The following ADH6 variants were observed in gnomAD, a reference collection of about 807,000 sequenced individuals.
The protein encoded by ADH6 is alcohol dehydrogenase 6.
ADH6 carries 34 observed loss-of-function variants against 36.5 expected under a neutral mutation model. The observed-to-expected ratio is 0.93, with a 90% CI of 0.71 to 1.24. The LOEUF (loss-of-function observed/expected upper bound fraction) is 1.24. ADH6 is among the 50% of genes most tolerant of loss of function. ADH6 has a pLI of 0.00. For missense variants in ADH6, 440 were observed against 447.0 expected (o/e 0.98, Z 0.14); for synonymous variants, 161 against 155.5 (o/e 1.04, Z -0.26).
At chr4:99,216,298 C>T in intron 1 of ADH6, 36 bp from the exon 2 acceptor site, 2 of 1,400,310 alleles carry the variant, frequency 1.4e-6, no homozygotes, top group Admixed American at 2.3e-5. Flanking sequence ...AAGAGAAGCT[C>T]CTTAAGCTTG....
chr4:99,210,363 T>C, intron 4 of ADH6, 52 bp downstream of exon 4: 3 of 1,596,552 alleles, frequency 1.9e-6, no homozygotes, highest in Non-Finnish European at 2.6e-6. Context: ...TTAGATCTTC[T>C]CCAATGAAAG....
intron 7 of ADH6, among the ~76,000 whole-genome samples, chr4:99,206,751 C>T (rs1209877850): frequency 2.0e-5 from 3 of 151,976 alleles, no homozygotes; most frequent in East Asian, 3.9e-4. Flanking sequence ...TCAGATTGCC[C>T]AGAGTTTCTG....
At chr4:99,204,880 C>A in intron 8 of ADH6, 45 bp downstream of exon 8, 1 of 1,564,444 alleles carries the variant, frequency 6.4e-7, no homozygotes, top group African/African-American at 1.4e-5. Context: ...CACCCTTTCT[C>A]TTGGTCTCAA....
chr4:99,214,559 A>G (rs1330587852), intron 2 of ADH6, among the ~76,000 whole-genome samples: 1 of 152,198 alleles, frequency 6.6e-6, no homozygotes, highest in Non-Finnish European at 1.5e-5. Context: ...ACAGTTTAAA[A>G]TGAAGACACT....
At chr4:99,208,982 C>G in intron 5 of ADH6, 54 bp from the exon 6 acceptor site, 1 of 1,551,968 alleles carries the variant, frequency 6.4e-7, no homozygotes, top group South Asian at 1.2e-5. Context: ...AGAACATACA[C>G]CTTTACTCAG....
At position 99,208,881 on chromosome 4, in the gene ADH6, G is replaced by T. The variant is rs900693864; in HGVS notation, c.615C>A (p.Gly205=). ...TCAVFGLGGV[G]LSVVMGCKAA... is the part of the protein sequence containing the mutation. ...CTTTACAACCCATGACAACAGACAA[G>T]CCGACTCCTCCCAGGCCAAACACAG... The change falls in exon 6 of 9, where the codon GGC becomes GGA. Residue 205 remains glycine (G), a synonymous_variant. Transcript: ENST00000394899. 1 of 1,613,536 alleles carries T rather than the reference G, an allele frequency of 6.2e-7. No homozygotes were observed. Among genetic ancestry groups the T allele is most frequent in the Non-Finnish European group, 8.5e-7 (1 of 1,179,760 alleles).
rs199767791 is a variant in ADH6, at chr4:99,216,278, C to T, written c.19-16G>A. ...ATCTGATGACCTGGGAAATAGAATA[C>T]AGGGGCAGAAAGAGAAGCTCCTTAA... On this transcript the variant is annotated splice_polypyrimidine_tract_variant and intron_variant, in intron 1 of 8. Coordinates refer to ENST00000394899, the MANE Select transcript of ADH6 (RefSeq NM_001102470.2). 5 of 1,510,450 alleles carry T rather than the reference C, an allele frequency of 3.3e-6. No homozygotes were observed. Among genetic ancestry groups the T allele is most frequent in the Non-Finnish European group, 3.6e-6 (4 of 1,119,950 alleles). 93.6% of individuals were successfully genotyped at this position (1,510,450 alleles called of 1,614,324 possible).
Position 99,202,711 on chromosome 4 carries a change from C to G in ADH6, c.*1508G>C. 2.5e-6 allele frequency: 1 copy of G among 398,010 alleles called. No individual in the cohort carries two copies. The highest frequency in any genetic ancestry group is 2.1e-5 in the African/African-American group (1 of 48,668). The allele number at this position is 398,010 out of a possible 1,614,324, so 24.7% of individuals were successfully genotyped here. ...TTACAACAAAACGTTTCCGGGAAAA[C>G]TTGGATTTCCCAAGACCCGAAGACT... On this transcript the variant is annotated 3_prime_UTR_variant, in exon 9 of 9. Coordinates refer to ENST00000394899, the MANE Select transcript of ADH6 (RefSeq NM_001102470.2).
At chr4:99,204,831 T>C in intron 8 of ADH6, 94 bp downstream of exon 8, 1 of 1,480,452 alleles carries the variant, frequency 6.8e-7, no homozygotes, top group African/African-American at 1.4e-5. Flanking sequence ...ATACAGCTTC[T>C]GCAGCAGGGA....
chr4:99,216,173 T>G lies in ADH6; in HGVS notation c.108A>C (p.Glu36Asp). Residue 36 changes from glutamate (E) to aspartate (D), a missense_variant, in exon 2 of 9, where the codon GAA becomes GAC. By Grantham distance (45) the Glu-to-Asp change is conservative. Coordinates refer to ENST00000394899, the MANE Select transcript of ADH6 (RefSeq NM_001102470.2). ...TTTTTTTTTTTACCTTTATGCGAACTTCCTTTGCCTTTGGTGGGGCCACTT... is the reference window on the plus strand; with the variant it reads ...TTTTTTTTTTTACCTTTATGCGAACGTCCTTTGCCTTTGGTGGGGCCACTT... ...EVEVAPPKAK[E>D]VRIKVVATGL... 1 of 1,363,336 alleles carries G rather than the reference T, an allele frequency of 7.3e-7. No homozygotes were observed. Among genetic ancestry groups the G allele is most frequent in the Non-Finnish European group, 9.9e-7 (1 of 1,010,290 alleles). 84.5% of individuals were successfully genotyped at this position (1,363,336 alleles called of 1,614,324 possible). A position where few individuals can be genotyped will look rare whatever the true frequency, so the allele number is the denominator to read the frequency against.
intron 7 of ADH6, among the ~76,000 whole-genome samples, chr4:99,206,864 A>T (rs1731054685): frequency 6.6e-6 from 1 of 152,170 alleles, no homozygotes; most frequent in South Asian, 2.1e-4. Context: ...TCAATAAAAT[A>T]GTCTTCTAAA....
intron 2 of ADH6, 140 bp downstream of exon 2, chr4:99,216,021 A>T (rs1466065539): frequency 4.3e-6 from 2 of 464,580 alleles, no homozygotes; most frequent in Admixed American, 4.1e-5. Flanking sequence ...GGAAATGTTT[A>T]ATGAAAAAGA....
At chr4:99,204,265 A>T in intron 8 of ADH6, 22 bp from the exon 9 acceptor site, 1 of 1,597,578 alleles carries the variant, frequency 6.3e-7, no homozygotes. Context: ...AAGAAGAGAA[A>T]AAAGGTTGGA....
chr4:99,207,306 T>C, intron 7 of ADH6, 140 bp downstream of exon 7: 2 of 1,050,882 alleles, frequency 1.9e-6, no homozygotes, highest in Middle Eastern at 3.0e-4. Context: ...CCCTTTATAT[T>C]GGGTATTCAT....
Position 99,216,162 on chromosome 4 carries a change from TTTATGCGAAC to T in ADH6, c.109_118del (p.Val37ArgfsTer12). ...TTTTTTTTTTTTTTTTTTTTTTACC[TTTATGCGAAC>T]TTCCTTTGCCTTTGGTGGGGCCACT... is the stretch of plus-strand genomic sequence containing the variant. On this transcript the variant is annotated frameshift_variant and splice_region_variant, in exon 2 of 9. Coordinates refer to ENST00000394899, the MANE Select transcript of ADH6 (RefSeq NM_001102470.2). LOFTEE classifies it high-confidence loss of function. 7.2e-7 allele frequency: 1 copy of T among 1,389,330 alleles called. No homozygotes were observed. Among genetic ancestry groups the T allele is most frequent in the Non-Finnish European group, 9.7e-7 (1 of 1,033,520 alleles). The allele number at this position is 1,389,330 out of a possible 1,614,324, so 86.1% of individuals were successfully genotyped here.
chr4:99,210,053 C>T (rs374376159), intron 5 of ADH6, 29 bp downstream of exon 5: 54 of 1,604,294 alleles, frequency 3.4e-5, no homozygotes, highest in South Asian at 2.5e-4. Flanking sequence ...CCAATAATTC[C>T]CTTCCAAATG....
chr4:99,219,017 T>C (rs1731545708), intron 1 of ADH6, 118 bp downstream of exon 1: 1 of 956,162 alleles, frequency 1.0e-6, no homozygotes, highest in African/African-American at 1.7e-5. Flanking sequence ...ACTATGATTA[T>C]GACAGCCTCT....
chr4:99,219,122 A>G lies in ADH6; in HGVS notation c.18+13T>C. ...AAGATATGACACAACATAAAGAATAAGACTGCACCTACTTGGCCTGTAGTA... is the reference window on the plus strand; with the variant it reads ...AAGATATGACACAACATAAAGAATAGGACTGCACCTACTTGGCCTGTAGTA... On this transcript the variant is annotated intron_variant, in intron 1 of 8. Transcript: ENST00000394899. 6.2e-7 allele frequency: 1 copy of G among 1,610,054 alleles called. No homozygotes were observed.
In ADH6 at chr4:99,216,158, T is replaced by TTAG; in HGVS notation, c.120+2_120+3insCTA. 1 of 1,302,012 alleles carries TTAG rather than the reference T, an allele frequency of 7.7e-7. No individual in the cohort carries two copies. The allele number at this position is 1,302,012 out of a possible 1,614,324, so 80.7% of individuals were successfully genotyped here. Reference sequence around the variant, plus strand: ...TGATTTTTTTTTTTTTTTTTTTTTTTACCTTTATGCGAACTTCCTTTGCCT... The same window carrying TTAG: ...TGATTTTTTTTTTTTTTTTTTTTTTTTAGACCTTTATGCGAACTTCCTTTGCCT... On this transcript the variant is annotated splice_region_variant and intron_variant, in intron 2 of 8. Coordinates refer to ENST00000394899, the MANE Select transcript of ADH6 (RefSeq NM_001102470.2).
Sources: allele counts gnomAD v4.1 joint callset (sites outside exome capture counted in the v4.1 genomes callset), GRCh38; gene constraint gnomAD v4.1.1; transcripts MANE v1.5; gene names NCBI Gene and HGNC (gene_info 2026-07-23, HGNC 2026-07-21).